LINGO2: variants seen among roughly 807,000 people sequenced by gnomAD.
LINGO2 encodes leucine-rich repeat and immunoglobulin-like domain-containing nogo receptor-interacting protein 2.
In LINGO2, 14 loss-of-function variants were observed where a neutral mutation model predicts 30.6. The ratio of observed to expected loss-of-function variants is 0.46; its 90% CI spans 0.30 to 0.72. The LOEUF is 0.72. LINGO2 is among the 30% of genes least tolerant of loss of function. The probability of loss-of-function intolerance (pLI) is 0.07; values close to 1 mark genes in which losing one functional copy is unlikely to be tolerated. For missense variants in LINGO2, 729 were observed against 751.7 expected, an observed-to-expected ratio of 0.97 and a Z score of 0.35; for synonymous variants, 317 against 288.5, an observed-to-expected ratio of 1.10 and a Z score of -1.00.
chr9:27,995,355 A>G (rs1821606650), intron 5 of LINGO2, among the ~76,000 whole-genome samples: 1 of 152,172 alleles, frequency 6.6e-6, no homozygotes, highest in African/African-American at 2.4e-5. Context: ...ACAAAAATTT[A>G]AAAAGAAATA....
At chr9:28,575,798 A>G (rs73441495) in intron 1 of LINGO2, among the ~76,000 whole-genome samples, 10,115 of 152,214 alleles carry the variant, frequency 0.066, 472 homozygotes, top group African/African-American at 0.13. Flanking sequence ...CTTCTGTACC[A>G]TTTGCATGGA....
At chr9:29,082,825 T>C in the LINGO2 span, among the ~76,000 whole-genome samples, 1 of 152,166 alleles carries the variant, frequency 6.6e-6, no homozygotes, top group Admixed American at 6.5e-5. Context: ...AACAGATACA[T>C]GAAAAAATGC....
At chr9:29,175,716 G>T in the LINGO2 span, among the ~76,000 whole-genome samples, 1 of 151,694 alleles carries the variant, frequency 6.6e-6, no homozygotes, top group Non-Finnish European at 1.5e-5. Context: ...TAGTAGAGAC[G>T]GGGTTTCACC....
At chr9:28,714,703 T>G in the LINGO2 span, among the ~76,000 whole-genome samples, 1 of 152,146 alleles carries the variant, frequency 6.6e-6, no homozygotes, top group African/African-American at 2.4e-5. Context: ...ATAATTAATT[T>G]TCCATGATGT....
intron 1 of LINGO2, among the ~76,000 whole-genome samples, chr9:28,577,503 T>C (rs1587897765): frequency 1.3e-5 from 2 of 152,044 alleles, no homozygotes; most frequent in African/African-American, 4.8e-5. Flanking sequence ...ACACTATCTT[T>C]AAAAAACCCT....
At chr9:28,376,697 T>C (rs911347068) in intron 2 of LINGO2, among the ~76,000 whole-genome samples, 1 of 152,188 alleles carries the variant, frequency 6.6e-6, no homozygotes, top group Non-Finnish European at 1.5e-5. Context: ...TGATCCCAAG[T>C]AACTTCCCAA....
intron 4 of LINGO2, among the ~76,000 whole-genome samples, chr9:28,054,412 A>C (rs912372306): frequency 6.6e-6 from 1 of 152,144 alleles, no homozygotes; most frequent in African/African-American, 2.4e-5. Context: ...GGAACATTTT[A>C]TAAGACTTGT....
At chr9:28,667,533 C>A (rs1167997405) in intron 1 of LINGO2, among the ~76,000 whole-genome samples, 2 of 152,096 alleles carry the variant, frequency 1.3e-5, no homozygotes, top group Non-Finnish European at 2.9e-5. Context: ...CATTTGAGGT[C>A]AGGAGTTCAA....
chr9:29,022,897 T>A, the LINGO2 span, among the ~76,000 whole-genome samples: 95 of 152,080 alleles, frequency 6.2e-4, no homozygotes, highest in Admixed American at 5.2e-4. Flanking sequence ...TATCTGGTAT[T>A]TGGTAGGCAC....
intron 1 of LINGO2, among the ~76,000 whole-genome samples, chr9:28,635,396 G>T (rs1405725434): frequency 6.6e-6 from 1 of 152,162 alleles, no homozygotes; most frequent in Non-Finnish European, 1.5e-5. Context: ...GTGGTATCAT[G>T]ATGACAGTAG....
rs1307879096 is a variant in LINGO2 at position 28,042,330 on chromosome 9, G to T, written c.-86-29925C>A. Among the ~76,000 whole-genome samples the T allele has an allele frequency of 2.0e-5, 3 of 152,050 alleles. No individual in the cohort carries two copies. The East Asian group carries it at 5.8e-4, about 29-fold the overall frequency. ...CTTGCTCCCTTTTGCTCTACCCTGA[G>T]GAAATCAATCAGCTCCATATTAATT... On this transcript the variant is annotated intron_variant, in intron 4 of 5. Coordinates refer to ENST00000379992, the Ensembl canonical transcript of LINGO2.
chr9:28,632,732 C>CTA (rs1407803718), intron 1 of LINGO2, among the ~76,000 whole-genome samples: 2 of 124,928 alleles, frequency 1.6e-5, no homozygotes, highest in South Asian at 2.5e-4. Context: ...ATATATAGAT[C>CTA]TATATATTTA....
At chr9:28,193,457 C>T (rs1819893750) in intron 4 of LINGO2, among the ~76,000 whole-genome samples, 1 of 151,868 alleles carries the variant, frequency 6.6e-6, no homozygotes, top group African/African-American at 2.4e-5. Flanking sequence ...ATATCACATG[C>T]CAAAATTGGA....
At chr9:27,961,271 T>A (rs1348904577) in intron 5 of LINGO2, among the ~76,000 whole-genome samples, 1 of 152,202 alleles carries the variant, frequency 6.6e-6, no homozygotes, top group Admixed American at 6.5e-5. Flanking sequence ...CATTGGGATG[T>A]GACCCCATCA....
Position 28,306,878 on chromosome 9 carries a change from C to G in LINGO2, c.-245-11512G>C, listed in dbSNP as rs4458951. Among the ~76,000 whole-genome samples, 2,454 of 152,116 alleles carry G rather than the reference C, an allele frequency of 0.016. 147 individuals carry two copies. The East Asian group carries it at 0.2, about 12-fold the overall frequency. ...CATACACCTTCCCAAGATTAAACCA[C>G]GAACAAGTTGAATCTCTGAATAGAC... On this transcript the variant is annotated intron_variant, in intron 3 of 5. Coordinates refer to ENST00000379992, the Ensembl canonical transcript of LINGO2.
chr9:28,478,310 C>T (rs944105008), intron 1 of LINGO2, among the ~76,000 whole-genome samples: 4 of 152,094 alleles, frequency 2.6e-5, no homozygotes, highest in African/African-American at 9.7e-5. Context: ...AAAATATATG[C>T]AGCCCTCTAA....
chr9:28,522,215 T>C (rs1416230827), intron 1 of LINGO2, among the ~76,000 whole-genome samples: 3 of 152,116 alleles, frequency 2.0e-5, no homozygotes, highest in Non-Finnish European at 4.4e-5. Context: ...TACTGAATTT[T>C]AGAAAAAGGT....
At chr9:28,421,432 C>G (rs967185659) in intron 2 of LINGO2, among the ~76,000 whole-genome samples, 2 of 148,702 alleles carry the variant, frequency 1.3e-5, no homozygotes, top group African/African-American at 4.9e-5. Context: ...AAAAAAAAAG[C>G]CATCCTAAAA....
chr9:28,390,473 A>T (rs570683984), intron 2 of LINGO2, among the ~76,000 whole-genome samples: 1 of 152,258 alleles, frequency 6.6e-6, no homozygotes, highest in South Asian at 2.1e-4. Context: ...AAATACTTTC[A>T]GCTTTTGTGT....
Sources: allele counts gnomAD v4.1 joint callset (sites outside exome capture counted in the v4.1 genomes callset), GRCh38; gene constraint gnomAD v4.1.1; transcripts MANE v1.5; gene names NCBI Gene and HGNC (gene_info 2026-07-23, HGNC 2026-07-21).